Variants in CNTNAP5 observed in about 807,000 individuals in gnomAD.
CNTNAP5 encodes the protein contactin-associated protein-like 5.
A neutral mutation model predicts 150.2 loss-of-function variants in CNTNAP5; 72 were observed. The ratio of observed to expected loss-of-function variants is 0.48; its 90% CI spans 0.40 to 0.58. The LOEUF (loss-of-function observed/expected upper bound fraction) is 0.58, where lower values mean the gene tolerates loss of function less well. Ranked by LOEUF, CNTNAP5 falls within the 20% of genes least tolerant of loss-of-function variation. The pLI, the probability that CNTNAP5 is intolerant of heterozygous loss-of-function variation, is 0.00. For missense variants in CNTNAP5, 1,636 were observed against 1,626.2 expected, an observed-to-expected ratio of 1.01 and a Z score of -0.10; for synonymous variants, 672 against 619.8, an observed-to-expected ratio of 1.08 and a Z score of -1.25.
intron 2 of CNTNAP5, among the ~76,000 whole-genome samples, chr2:124,226,431 C>T (rs1280607719): frequency 1.3e-5 from 2 of 152,026 alleles, no homozygotes; most frequent in Non-Finnish European, 2.9e-5. Context: ...TAGTCTTTTG[C>T]TCATTTTTAA....
intron 7 of CNTNAP5, among the ~76,000 whole-genome samples, chr2:124,496,121 A>G (rs1694137783): frequency 6.6e-6 from 1 of 151,936 alleles, no homozygotes; most frequent in African/African-American, 2.4e-5. Context: ...ACTGCTTAAT[A>G]GAGAACTGCT....
At chr2:124,163,715 C>T (rs759561193) in intron 1 of CNTNAP5, among the ~76,000 whole-genome samples, 2 of 152,094 alleles carry the variant, frequency 1.3e-5, no homozygotes, top group African/African-American at 2.4e-5. Context: ...TTATATGCCT[C>T]CCCCATTCTC....
chr2:124,384,934 C>T (rs1690891019), intron 3 of CNTNAP5, among the ~76,000 whole-genome samples: 1 of 152,130 alleles, frequency 6.6e-6, no homozygotes, highest in Non-Finnish European at 1.5e-5. Context: ...ACAGGTTGAA[C>T]AATCCAGAAG....
chr2:124,066,094 T>TGGG (rs1156797451), intron 1 of CNTNAP5, among the ~76,000 whole-genome samples: 2 of 152,170 alleles, frequency 1.3e-5, no homozygotes, highest in East Asian at 3.9e-4. Context: ...AAATCTCCAC[T>TGGG]TAGCTGACAC....
intron 1 of CNTNAP5, among the ~76,000 whole-genome samples, chr2:124,155,612 G>A (rs1160021720): frequency 3.9e-5 from 6 of 152,242 alleles, no homozygotes; most frequent in East Asian, 1.9e-4. Context: ...TTCTTAAACA[G>A]CATTTTTCTC....
chr2:124,378,479 CAG>C (rs1175140827), intron 3 of CNTNAP5, among the ~76,000 whole-genome samples: 1 of 152,006 alleles, frequency 6.6e-6, no homozygotes, highest in Non-Finnish European at 1.5e-5. Context: ...CAATGTAAAA[CAG>C]TACATATTTT....
At chr2:124,109,066 G>C (rs1683235183) in intron 1 of CNTNAP5, among the ~76,000 whole-genome samples, 1 of 152,198 alleles carries the variant, frequency 6.6e-6, no homozygotes, top group Non-Finnish European at 1.5e-5. Context: ...ACAGAGATGT[G>C]AGGTCTTCAA....
chr2:124,124,142 G>A (rs929934322), intron 1 of CNTNAP5, among the ~76,000 whole-genome samples: 1 of 152,112 alleles, frequency 6.6e-6, no homozygotes, highest in Non-Finnish European at 1.5e-5. Context: ...CGAACCCACT[G>A]CAAAGAAGCT....
At chr2:124,328,898 TA>T (rs1490651831) in intron 3 of CNTNAP5, among the ~76,000 whole-genome samples, 1 of 152,058 alleles carries the variant, frequency 6.6e-6, no homozygotes, top group Non-Finnish European at 1.5e-5. Context: ...ATAGACAGGT[TA>T]AAAGGAGAAA....
chr2:124,465,859 G>GAAC (rs1693365261), intron 6 of CNTNAP5, among the ~76,000 whole-genome samples: 2 of 152,208 alleles, frequency 1.3e-5, no homozygotes, highest in South Asian at 4.1e-4. Context: ...GCTATGAGAA[G>GAAC]AACAAAAATA....
chr2:124,863,183 G>A (rs1044210441), intron 19 of CNTNAP5, among the ~76,000 whole-genome samples: 1 of 152,162 alleles, frequency 6.6e-6, no homozygotes, highest in Non-Finnish European at 1.5e-5. Context: ...TGTGGGGGTC[G>A]ATCACTATGT....
chr2:124,419,140 CAAAA>C lies in CNTNAP5; in HGVS notation c.529+1570_529+1573del, dbSNP rs778863758. Among the ~76,000 whole-genome samples, 148 of 28,912 alleles carry C rather than the reference CAAAA, an allele frequency of 5.1e-3. 6 individuals are homozygous for C. Among genetic ancestry groups the C allele is most frequent in the South Asian group, 0.042 (13 of 306 alleles). The allele number at this position is 28,912 out of a possible 152,430, so 19.0% of individuals were successfully genotyped here. The stretch of plus-strand genomic sequence containing the variant: ...TGGGCGACAGAGCGAGACTCCTTCT[CAAAA>C]AAAAAAAAAAAAAAAAAAACAGTAT... On this transcript the variant is annotated intron_variant, in intron 4 of 23. Transcript: ENST00000682447.
chr2:124,864,931 A>G (rs1465750260), intron 19 of CNTNAP5, among the ~76,000 whole-genome samples: 1 of 152,182 alleles, frequency 6.6e-6, no homozygotes. Context: ...GGAGACAGCA[A>G]TTAGGAAGAA....
intron 1 of CNTNAP5, among the ~76,000 whole-genome samples, chr2:124,060,548 C>G (rs1681981953): frequency 6.6e-6 from 1 of 152,126 alleles, no homozygotes; most frequent in Non-Finnish European, 1.5e-5. Context: ...GTGGGTATAC[C>G]CGTATGGGCC....
intron 21 of CNTNAP5, among the ~76,000 whole-genome samples, chr2:124,875,966 G>A (rs1056577054): frequency 6.6e-6 from 1 of 152,062 alleles, no homozygotes; most frequent in Non-Finnish European, 1.5e-5. Flanking sequence ...TTCAGGTACA[G>A]CTGGCTTCAG....
At chr2:124,290,521 G>C (rs1426149113) in intron 3 of CNTNAP5, among the ~76,000 whole-genome samples, 1 of 152,084 alleles carries the variant, frequency 6.6e-6, no homozygotes, top group Non-Finnish European at 1.5e-5. Flanking sequence ...ACATGATTTG[G>C]GGACCTCTAT....
intron 11 of CNTNAP5, among the ~76,000 whole-genome samples, chr2:124,605,799 A>C (rs1455054436): frequency 2.1e-5 from 3 of 139,732 alleles, no homozygotes; most frequent in African/African-American, 5.4e-5. Context: ...GTGACCGAGC[A>C]AGACTCTGTC....
chr2:124,284,856 A>G (rs1162050321), intron 3 of CNTNAP5, among the ~76,000 whole-genome samples: 1 of 152,140 alleles, frequency 6.6e-6, no homozygotes, highest in Non-Finnish European at 1.5e-5. Flanking sequence ...CCAAGAACAC[A>G]TGAGTCAGTG....
chr2:124,569,876 G>T (rs1270464166), intron 11 of CNTNAP5, among the ~76,000 whole-genome samples: 4 of 152,176 alleles, frequency 2.6e-5, no homozygotes, highest in Non-Finnish European at 5.9e-5. Context: ...GACAACACTT[G>T]CTTTAACAGT....
Sources: allele counts gnomAD v4.1 joint callset (sites outside exome capture counted in the v4.1 genomes callset), GRCh38; gene constraint gnomAD v4.1.1; transcripts MANE v1.5; gene names NCBI Gene and HGNC (gene_info 2026-07-23, HGNC 2026-07-21).